EFNA5: variants seen among roughly 807,000 people sequenced by gnomAD.
EFNA5 encodes the protein ephrin A5.
Under a neutral mutation model 22.9 loss-of-function variants are expected in EFNA5, and 5 were observed. The observed-to-expected ratio is 0.22, with a 90% CI of 0.11 to 0.46. EFNA5 has a LOEUF of 0.46. Ranked by LOEUF, EFNA5 falls within the 20% of genes least tolerant of loss-of-function variation. The pLI is 0.99. For missense variants in EFNA5, 237 were observed against 293.3 expected, an observed-to-expected ratio of 0.81 and a Z score of 1.40; for synonymous variants, 113 against 112.2, an observed-to-expected ratio of 1.01 and a Z score of -0.04.
chr5:107,550,449 T>C (rs969960518), intron 1 of EFNA5, among the ~76,000 whole-genome samples: 5 of 152,214 alleles, frequency 3.3e-5, no homozygotes, highest in African/African-American at 9.6e-5. Flanking sequence ...AGAATGATTA[T>C]GCGCTTACCA....
intron 1 of EFNA5, among the ~76,000 whole-genome samples, chr5:107,641,017 T>TAGATAGAC (rs1490405503): frequency 5.3e-5 from 6 of 113,658 alleles, no homozygotes; most frequent in Non-Finnish European, 8.8e-5. Flanking sequence ...GATAGATAGA[T>TAGATAGAC]AGATAGACAG....
rs565451366 is a variant in EFNA5, at chr5:107,408,354, T to A, written c.418+18863A>T. On this transcript the variant is annotated intron_variant, in intron 2 of 4. Coordinates refer to ENST00000333274, the MANE Select transcript of EFNA5 (RefSeq NM_001962.3). Reference sequence around the variant, plus strand: ...TCTTTTCAAAATTTTCAACTACTTTTGCTCCTTACAACCAATTTGATCCTG... The same window carrying A: ...TCTTTTCAAAATTTTCAACTACTTTAGCTCCTTACAACCAATTTGATCCTG... Among the ~76,000 whole-genome samples the A allele has an allele frequency of 3.3e-5, 5 of 152,358 alleles. No homozygotes were observed. In the South Asian group the frequency reaches 1.0e-3, roughly 32 times the overall value.
chr5:107,436,877 G>A (rs1333895205), intron 1 of EFNA5, among the ~76,000 whole-genome samples: 1 of 152,096 alleles, frequency 6.6e-6, no homozygotes, highest in African/African-American at 2.4e-5. Flanking sequence ...AGAGAGGAGA[G>A]TTACCCAGCA....
intron 1 of EFNA5, among the ~76,000 whole-genome samples, chr5:107,482,826 G>GTC (rs1161742136): frequency 3.1e-5 from 2 of 65,032 alleles, no homozygotes; most frequent in African/African-American, 1.0e-4. Flanking sequence ...CTCTCTCTCT[G>GTC]TCTCTGTCTC....
At chr5:107,466,463 A>G (rs969928317) in intron 1 of EFNA5, among the ~76,000 whole-genome samples, 2 of 152,048 alleles carry the variant, frequency 1.3e-5, no homozygotes, top group Non-Finnish European at 2.9e-5. Context: ...AGCAAGTCTC[A>G]GTGTCTGCCT....
At chr5:107,614,836 G>A (rs1341041268) in intron 1 of EFNA5, among the ~76,000 whole-genome samples, 2 of 152,114 alleles carry the variant, frequency 1.3e-5, no homozygotes, top group East Asian at 3.8e-4. Context: ...ATAATATAAT[G>A]AGCACTATAT....
At chr5:107,507,313 T>A (rs1747273077) in intron 1 of EFNA5, among the ~76,000 whole-genome samples, 1 of 152,200 alleles carries the variant, frequency 6.6e-6, no homozygotes, top group Non-Finnish European at 1.5e-5. Context: ...TATGGTTGAC[T>A]GCTTTGCCTC....
intron 1 of EFNA5, among the ~76,000 whole-genome samples, chr5:107,429,439 C>T (rs946656612): frequency 2.0e-5 from 3 of 152,158 alleles, no homozygotes; most frequent in Admixed American, 6.5e-5. Context: ...GAGTGAGACT[C>T]GGTCTCACAA....
At chr5:107,482,398 T>C (rs1750493850) in intron 1 of EFNA5, among the ~76,000 whole-genome samples, 2 of 152,166 alleles carry the variant, frequency 1.3e-5, no homozygotes, top group Admixed American at 6.5e-5. Flanking sequence ...TGGTCCTCCA[T>C]CTAGAAAATA....
At chr5:107,627,635 CAAAAAAA>C (rs758660866) in intron 1 of EFNA5, among the ~76,000 whole-genome samples, 6 of 72,086 alleles carry the variant, frequency 8.3e-5, no homozygotes, top group Non-Finnish European at 1.6e-4. Flanking sequence ...GACCACATCT[CAAAAAAA>C]AAAAAAAAAA....
At chr5:107,578,376 G>C (rs1460981635) in intron 1 of EFNA5, among the ~76,000 whole-genome samples, 2 of 152,134 alleles carry the variant, frequency 1.3e-5, no homozygotes, top group African/African-American at 2.4e-5. Flanking sequence ...TTTGGGTTGT[G>C]GATTTCAGGG....
At chr5:107,548,183 C>T (rs1390438338) in intron 1 of EFNA5, among the ~76,000 whole-genome samples, 4 of 152,140 alleles carry the variant, frequency 2.6e-5, no homozygotes, top group Non-Finnish European at 4.4e-5. Context: ...AAACTCAACT[C>T]AAAATTAAAC....
At chr5:107,478,360 G>C (rs1343558321) in intron 1 of EFNA5, among the ~76,000 whole-genome samples, 1 of 152,160 alleles carries the variant, frequency 6.6e-6, no homozygotes, top group African/African-American at 2.4e-5. Flanking sequence ...TTTCCCAAAG[G>C]CTTCCACTGT....
chr5:107,517,349 C>T (rs2112440036), intron 1 of EFNA5, among the ~76,000 whole-genome samples: 1 of 152,268 alleles, frequency 6.6e-6, no homozygotes, highest in East Asian at 1.9e-4. Flanking sequence ...TGTTGAAGCA[C>T]AGTGATAAAA....
chr5:107,382,054 A>G (rs1387385425), intron 4 of EFNA5, among the ~76,000 whole-genome samples: 4 of 152,142 alleles, frequency 2.6e-5, no homozygotes. Context: ...GAACTTGACT[A>G]TTTTTATTTT....
intron 1 of EFNA5, among the ~76,000 whole-genome samples, chr5:107,636,909 A>G (rs1750383759): frequency 6.6e-6 from 1 of 152,242 alleles, no homozygotes; most frequent in Non-Finnish European, 1.5e-5. Flanking sequence ...AGTGTTTTAC[A>G]AATATTTCAG....
At chr5:107,600,787 CA>C (rs1286493402) in intron 1 of EFNA5, among the ~76,000 whole-genome samples, 1 of 151,966 alleles carries the variant, frequency 6.6e-6, no homozygotes, top group African/African-American at 2.4e-5. Flanking sequence ...TGGGCCCAGC[CA>C]AAAATGTTTC....
At chr5:107,642,116 A>G (rs551950936) in intron 1 of EFNA5, among the ~76,000 whole-genome samples, 1 of 152,152 alleles carries the variant, frequency 6.6e-6, no homozygotes, top group Non-Finnish European at 1.5e-5. Context: ...ATCATAATCA[A>G]TCTTATTTCC....
At chr5:107,648,326 CAT>C (rs1350127850) in intron 1 of EFNA5, among the ~76,000 whole-genome samples, 4 of 152,154 alleles carry the variant, frequency 2.6e-5, no homozygotes, top group Non-Finnish European at 5.9e-5. Flanking sequence ...ACAATGGAGT[CAT>C]ATTTATGTAA....
Sources: gnomAD v4.1 joint callset for allele counts (sites outside exome capture counted in the v4.1 genomes callset) on GRCh38, gnomAD v4.1.1 for gene constraint, MANE v1.5 for transcripts, NCBI Gene and HGNC (gene_info 2026-07-23, HGNC 2026-07-21) for gene names.